PC: variants seen among roughly 807,000 people sequenced by gnomAD.
The protein encoded by PC is pyruvate carboxylase.
Under a neutral mutation model 107.8 loss-of-function variants are expected in PC, and 46 were observed. The observed-to-expected ratio is 0.43, with a 90% CI of 0.34 to 0.55. The LOEUF (loss-of-function observed/expected upper bound fraction) is 0.55, where lower values mean the gene tolerates loss of function less well. PC is among the 20% of genes least tolerant of loss of function. The pLI is 0.04. For missense variants in PC, 1,241 were observed against 1,643.1 expected (o/e 0.76, Z 4.23); for synonymous variants, 662 against 684.7 (o/e 0.97, Z 0.52).
chr11:66,891,954 G>A (rs1281904793), intron 3 of PC, among the ~76,000 whole-genome samples: 1 of 152,146 alleles, frequency 6.6e-6, no homozygotes, highest in African/African-American at 2.4e-5. Context: ...TGAACTGCCT[G>A]TTCACATCAT....
chr11:66,923,376 G>A lies in PC; in HGVS notation c.-1+29054C>T, dbSNP rs1235084789. On this transcript the variant is annotated intron_variant, in intron 3 of 22. Transcript: ENST00000393960. ...AGCCTGGGAGATAGAGCGAGACTCC[G>A]TCTCAAAAAAAAAAAAAAAAAGAAG... Among the ~76,000 whole-genome samples the A allele has an allele frequency of 1.2e-4, 13 of 105,598 alleles. 1 individual carries two copies. The highest frequency in any genetic ancestry group is 5.9e-4 in the Admixed American group (6 of 10,106). 69.3% of individuals were successfully genotyped at this position (105,598 alleles called of 152,430 possible).
At chr11:66,884,940 T>C (rs554871860) in intron 3 of PC, among the ~76,000 whole-genome samples, 1 of 152,238 alleles carries the variant, frequency 6.6e-6, no homozygotes, top group South Asian at 2.1e-4. Flanking sequence ...CCCAGGACAT[T>C]TCCCGACCCT....
At chr11:66,948,989 T>C (rs1366991366) in intron 3 of PC, among the ~76,000 whole-genome samples, 1 of 151,504 alleles carries the variant, frequency 6.6e-6, no homozygotes, top group Non-Finnish European at 1.5e-5. Flanking sequence ...ATTATTATTA[T>C]TTATTATTAT....
chr11:66,870,422 G>A lies in PC; in HGVS notation c.783C>T (p.Tyr261=), dbSNP rs144330590. 2.3e-5 allele frequency: 37 copies of A among 1,613,530 alleles called. No individual in the cohort carries two copies. Among genetic ancestry groups the A allele is most frequent in the Non-Finnish European group, 2.9e-5 (34 of 1,180,006 alleles). ...GCCGCTGGATGGAGCAGTCTCGCTC[G>A]TACAGGTGCAGGATGTTCCCATACT... ...GDQYGNILHL[Y]ERDCSIQRRH... Residue 261 remains tyrosine, a synonymous_variant, in exon 9 of 23, where the codon TAC becomes TAT. Transcript: ENST00000393960. The surrounding 1 kb of genome is among the most constrained non-coding windows in gnomAD (Gnocchi z 6.1).
chr11:66,954,925 A>C (rs1203685092), intron 1 of PC, among the ~76,000 whole-genome samples: 1 of 152,052 alleles, frequency 6.6e-6, no homozygotes, highest in African/African-American at 2.4e-5. Flanking sequence ...CCTGGGCAAC[A>C]AAACAAGACT....
chr11:66,903,427 AATT>A (rs1258011968), intron 3 of PC, among the ~76,000 whole-genome samples: 6 of 151,964 alleles, frequency 3.9e-5, no homozygotes, highest in Non-Finnish European at 8.8e-5. Context: ...TACGGACTAT[AATT>A]ATTATTATTT....
chr11:66,928,050 T>C (rs998280442), intron 3 of PC, among the ~76,000 whole-genome samples: 1 of 152,072 alleles, frequency 6.6e-6, no homozygotes, highest in Admixed American at 6.6e-5. Context: ...CAGATGCCTA[T>C]GTTGTGCCAC....
At chr11:66,896,671 G>A (rs1475012438) in intron 3 of PC, among the ~76,000 whole-genome samples, 2 of 152,222 alleles carry the variant, frequency 1.3e-5, no homozygotes, top group African/African-American at 2.4e-5. Flanking sequence ...GGCCTATGCC[G>A]AACCTGACCG....
At chr11:66,943,305 C>A (rs1023736598) in intron 3 of PC, among the ~76,000 whole-genome samples, 3 of 151,550 alleles carry the variant, frequency 2.0e-5, no homozygotes, top group African/African-American at 7.3e-5. Context: ...GGGTCACGGT[C>A]AAAAGGAGCT....
At chr11:66,900,617 TA>T (rs1947917955) in intron 3 of PC, among the ~76,000 whole-genome samples, 1 of 152,224 alleles carries the variant, frequency 6.6e-6, no homozygotes, top group Non-Finnish European at 1.5e-5. Context: ...TTAACAATAT[TA>T]AGTCTCTGAT....
intron 10 of PC, 24 bp downstream of exon 10, chr11:66,868,822 C>G (rs1399443888): frequency 6.3e-7 from 1 of 1,582,232 alleles, no homozygotes; most frequent in Admixed American, 1.7e-5. Flanking sequence ...GCGCCTCCCG[C>G]CCCGCCTGCC....
chr11:66,874,108 C>T (rs934510187), intron 3 of PC, among the ~76,000 whole-genome samples: 6 of 152,094 alleles, frequency 3.9e-5, no homozygotes, highest in Admixed American at 2.0e-4. Context: ...TACAGGCACC[C>T]GCCACCACGC....
chr11:66,858,793 C>G lies in PC; in HGVS notation c.1368+4981G>C. 1 of 1,549,746 alleles carries G rather than the reference C, an allele frequency of 6.5e-7. No individual in the cohort carries two copies. Among genetic ancestry groups the G allele is most frequent in the Non-Finnish European group, 8.7e-7 (1 of 1,147,482 alleles). Reference sequence around the variant, plus strand: ...GGCGCTGGGGACGCTGGGGGCTACACCTGCATCGCCACCAACCCTGCTGGT... The same window carrying G: ...GGCGCTGGGGACGCTGGGGGCTACAGCTGCATCGCCACCAACCCTGCTGGT... On this transcript the variant is annotated intron_variant, in intron 12 of 22. Coordinates refer to ENST00000393960, the MANE Select transcript of PC (RefSeq NM_001040716.2). This position sits in a 1 kb window ranked among gnomAD's most constrained non-coding sequence, Gnocchi z 5.9.
At position 66,868,914 on chromosome 11, in the gene PC, G is replaced by C. The variant is rs370324997; in HGVS notation, c.954C>G (p.Gly318=). ...AGTTGACCTCGATGAAGTAGTGCTT[G>C]CCGTGCCTGTCCACCAGGAACTCCA... ...GTVEFLVDRH[G]KHYFIEVNSR... is the part of the protein sequence containing the mutation. Residue 318 remains glycine (G), a synonymous_variant, in exon 10 of 23, where the codon GGC becomes GGG. Transcript: ENST00000393960. The C allele has an allele frequency of 6.2e-7, 1 of 1,613,794 alleles. No homozygotes were observed. The highest frequency in any genetic ancestry group is 1.6e-4 in the Middle Eastern group (1 of 6,082).
intron 3 of PC, among the ~76,000 whole-genome samples, chr11:66,878,555 C>A (rs1947068589): frequency 6.6e-6 from 1 of 152,202 alleles, no homozygotes; most frequent in Non-Finnish European, 1.5e-5. Flanking sequence ...CGGCCCCTCT[C>A]ACATACATTC....
At chr11:66,927,997 G>C (rs1208750072) in intron 3 of PC, among the ~76,000 whole-genome samples, 7 of 152,122 alleles carry the variant, frequency 4.6e-5, no homozygotes. Context: ...CTGCTTGTTG[G>C]TTTCGGCCAC....
intron 3 of PC, among the ~76,000 whole-genome samples, chr11:66,903,798 A>ACACACC (rs1383615651): frequency 5.9e-5 from 8 of 136,152 alleles, no homozygotes; most frequent in Non-Finnish European, 3.2e-5. Context: ...ATATACACAC[A>ACACACC]CCCACACACA....
At chr11:66,933,909 G>T (rs1213675567) in intron 3 of PC, among the ~76,000 whole-genome samples, 1 of 152,094 alleles carries the variant, frequency 6.6e-6, no homozygotes, top group East Asian at 1.9e-4. Flanking sequence ...CGCAGCTGGG[G>T]TTCACAGAAT....
intron 3 of PC, among the ~76,000 whole-genome samples, chr11:66,922,119 G>C (rs1285818738): frequency 2.6e-5 from 4 of 152,222 alleles, no homozygotes; most frequent in African/African-American, 9.6e-5. Flanking sequence ...GGGTTTCAGA[G>C]AGTCTTAAGT....
Sources: allele counts gnomAD v4.1 joint callset (sites outside exome capture counted in the v4.1 genomes callset), GRCh38; gene constraint gnomAD v4.1.1; non-coding constraint Gnocchi (gnomAD v3.1); transcripts MANE v1.5; gene names NCBI Gene and HGNC (gene_info 2026-07-23, HGNC 2026-07-21).